Variants in MAF observed in about 807,000 individuals in gnomAD.
MAF encodes MAF bZIP transcription factor.
In MAF, 10 loss-of-function variants were observed where a neutral mutation model predicts 22.0. That is an observed-to-expected ratio of 0.45 (90% confidence interval 0.28 to 0.77). The LOEUF (loss-of-function observed/expected upper bound fraction) is 0.77. MAF is among the 30% of genes least tolerant of loss of function. The probability of loss-of-function intolerance (pLI) is 0.12; values close to 1 mark genes in which losing one functional copy is unlikely to be tolerated. For synonymous variants in MAF, 337 were observed against 255.8 expected, an observed-to-expected ratio of 1.32 and a Z score of -3.03; for missense variants, 544 against 548.4, an observed-to-expected ratio of 0.99 and a Z score of 0.08.
chr16:79,278,098 T>A, the MAF span, among the ~76,000 whole-genome samples: 2 of 152,196 alleles, frequency 1.3e-5, no homozygotes, highest in Non-Finnish European at 2.9e-5. Flanking sequence ...ACAAGTTTGC[T>A]TCTTTCCTTT....
At chr16:79,403,286 C>G in the MAF span, among the ~76,000 whole-genome samples, 1 of 152,180 alleles carries the variant, frequency 6.6e-6, no homozygotes, top group Non-Finnish European at 1.5e-5. Flanking sequence ...CTAAAAGAAG[C>G]CCTGGAGCGG....
the MAF span, among the ~76,000 whole-genome samples, chr16:79,376,574 C>A: frequency 6.6e-6 from 1 of 151,900 alleles, no homozygotes; most frequent in East Asian, 1.9e-4. Context: ...ATGTGCACGA[C>A]GTGCAGGTTT....
At chr16:79,221,703 ATG>A in the MAF span, among the ~76,000 whole-genome samples, 1 of 151,946 alleles carries the variant, frequency 6.6e-6, no homozygotes, top group South Asian at 2.1e-4. Flanking sequence ...GCATGAGTGT[ATG>A]TGATTGTGTA....
At chr16:79,316,045 T>A in the MAF span, among the ~76,000 whole-genome samples, 3 of 152,214 alleles carry the variant, frequency 2.0e-5, no homozygotes, top group African/African-American at 7.2e-5. Context: ...AGAATTGTTG[T>A]CATTTTCATG....
At chr16:79,252,593 G>A in the MAF span, among the ~76,000 whole-genome samples, 3 of 152,124 alleles carry the variant, frequency 2.0e-5, no homozygotes, top group East Asian at 1.9e-4. Flanking sequence ...GGGTTCAAGC[G>A]ATTCTCCTGC....
the MAF span, among the ~76,000 whole-genome samples, chr16:79,387,569 C>G: frequency 5.9e-5 from 9 of 152,150 alleles, no homozygotes. Flanking sequence ...GTGCACTCCA[C>G]TCTGAGGCTG....
chr16:79,526,502 G>C, the MAF span, among the ~76,000 whole-genome samples: 1 of 152,150 alleles, frequency 6.6e-6, no homozygotes, highest in Non-Finnish European at 1.5e-5. Flanking sequence ...CAGTGGCTGG[G>C]GGTTAGGGAC....
the MAF span, among the ~76,000 whole-genome samples, chr16:79,350,902 T>TGTGTGC: frequency 1.4e-5 from 2 of 147,844 alleles, no homozygotes; most frequent in Non-Finnish European, 3.0e-5. Context: ...TGTGTGTGTG[T>TGTGTGC]GCGTGTGAAT....
At chr16:79,465,549 G>A in the MAF span, among the ~76,000 whole-genome samples, 2,114 of 152,242 alleles carry the variant, frequency 0.014, 48 homozygotes, top group African/African-American at 0.048. Flanking sequence ...CCGTGATCCC[G>A]TGATCGCACC....
chr16:79,352,422 G>A, the MAF span, among the ~76,000 whole-genome samples: 13 of 152,188 alleles, frequency 8.5e-5, no homozygotes, highest in South Asian at 2.1e-4. Context: ...GATGCCTGAC[G>A]TTGCCTTTTA....
At chr16:79,315,140 C>T in the MAF span, among the ~76,000 whole-genome samples, 1 of 152,046 alleles carries the variant, frequency 6.6e-6, no homozygotes, top group Admixed American at 6.5e-5. Flanking sequence ...CTACTATGTG[C>T]CAGGCACGGT....
chr16:79,523,855 A>G, the MAF span, among the ~76,000 whole-genome samples: 2 of 152,236 alleles, frequency 1.3e-5, no homozygotes, highest in Admixed American at 6.5e-5. Context: ...CATTAGGTCA[A>G]TAACAGCCTC....
chr16:79,390,244 G>GT, the MAF span, among the ~76,000 whole-genome samples: 7 of 151,990 alleles, frequency 4.6e-5, no homozygotes, highest in African/African-American at 1.2e-4. Context: ...TCTCTCCCCA[G>GT]TTACCCCAAC....
chr16:79,581,333 G>A (rs531171807), downstream of MAF, among the ~76,000 whole-genome samples: 1 of 152,280 alleles, frequency 6.6e-6, no homozygotes, highest in Admixed American at 6.5e-5. Flanking sequence ...CACCACAGCA[G>A]TATAGACTCA....
the MAF span, among the ~76,000 whole-genome samples, chr16:79,271,943 C>T: frequency 0.98 from 149,515 of 152,244 alleles, 73,478 homozygotes; most frequent in East Asian, 1. Flanking sequence ...AAAACGGGGG[C>T]CCACACAGGA....
the MAF span, among the ~76,000 whole-genome samples, chr16:79,529,680 G>T: frequency 5.3e-5 from 8 of 152,306 alleles, no homozygotes; most frequent in South Asian, 1.7e-3. Context: ...ATTATTTTAG[G>T]CTGGGCGCGG....
the MAF span, among the ~76,000 whole-genome samples, chr16:79,366,912 G>C: frequency 6.6e-6 from 1 of 152,180 alleles, no homozygotes; most frequent in African/African-American, 2.4e-5. Flanking sequence ...ATGTATCAAA[G>C]ACTATTGAAA....
chr16:79,561,190 C>A, the MAF span, among the ~76,000 whole-genome samples: 2 of 152,158 alleles, frequency 1.3e-5, no homozygotes, highest in East Asian at 3.9e-4. Context: ...TACACATTAA[C>A]AGAATTTGTA....
the MAF span, among the ~76,000 whole-genome samples, chr16:79,504,670 T>G: frequency 2.0e-5 from 3 of 151,952 alleles, no homozygotes; most frequent in South Asian, 6.2e-4. Flanking sequence ...AATGTATGTT[T>G]GATGGATGGA....
Sources: gnomAD v4.1 joint callset for allele counts (sites outside exome capture counted in the v4.1 genomes callset) on GRCh38, gnomAD v4.1.1 for gene constraint, MANE v1.5 for transcripts, NCBI Gene and HGNC (gene_info 2026-07-23, HGNC 2026-07-21) for gene names.